The following ARSB variants were observed in gnomAD, a reference collection of about 807,000 sequenced individuals.
ARSB encodes arylsulfatase B.
A neutral mutation model predicts 50.9 loss-of-function variants in ARSB; 41 were observed. That is an observed-to-expected ratio of 0.81 (90% CI 0.63 to 1.04). ARSB has a LOEUF of 1.04. Among genes scored for constraint, ARSB ranks in the 50% least tolerant of loss-of-function variants. The pLI is 0.00. For missense variants in ARSB, 672 were observed against 693.3 expected, an observed-to-expected ratio of 0.97 and a Z score of 0.35; for synonymous variants, 269 against 284.8, an observed-to-expected ratio of 0.94 and a Z score of 0.56.
intron 3 of ARSB, among the ~76,000 whole-genome samples, chr5:78,962,524 A>ATGTTTTT (rs1752034414): frequency 9.4e-6 from 1 of 106,222 alleles, no homozygotes; most frequent in Non-Finnish European, 1.8e-5. Flanking sequence ...CATGTGCTCG[A>ATGTTTTT]TTTTTTTTTT....
At chr5:78,881,998 T>C (rs1455109355) in intron 5 of ARSB, among the ~76,000 whole-genome samples, 2 of 152,270 alleles carry the variant, frequency 1.3e-5, no homozygotes, top group Non-Finnish European at 2.9e-5. Flanking sequence ...TAAAAGGGTA[T>C]GCTCTAATGC....
At chr5:78,944,713 T>G (rs1020087499) in intron 4 of ARSB, among the ~76,000 whole-genome samples, 7 of 152,212 alleles carry the variant, frequency 4.6e-5, no homozygotes, top group African/African-American at 1.7e-4. Context: ...CCTGTTAGGC[T>G]ACTCGGGGGT....
intron 6 of ARSB, among the ~76,000 whole-genome samples, chr5:78,804,783 C>G (rs911181518): frequency 4.6e-5 from 7 of 152,224 alleles, no homozygotes; most frequent in African/African-American, 1.7e-4. Context: ...AGCTCCCGGA[C>G]AGTGGCCATT....
At chr5:78,984,607 G>T (rs1185289793) in intron 1 of ARSB, among the ~76,000 whole-genome samples, 7 of 152,184 alleles carry the variant, frequency 4.6e-5, no homozygotes, top group Non-Finnish European at 8.8e-5. Context: ...CCTCAGGACC[G>T]CTCCGCCTGC....
chr5:78,928,305 CTTTTTTTTTTTTTTT>C (rs34737292), intron 4 of ARSB, among the ~76,000 whole-genome samples: 1 of 72,574 alleles, frequency 1.4e-5, no homozygotes, highest in Non-Finnish European at 2.6e-5. Context: ...TTTGCTTTTG[CTTTTTTTTTTTTTTT>C]TTTTTTTTTT....
intron 4 of ARSB, among the ~76,000 whole-genome samples, chr5:78,924,599 G>T (rs1255177281): frequency 1.3e-5 from 2 of 152,138 alleles, no homozygotes; most frequent in African/African-American, 4.8e-5. Context: ...GACTGGACCT[G>T]GAATCTTTTT....
chr5:78,979,978 A>C (rs181541370), intron 1 of ARSB, among the ~76,000 whole-genome samples: 2 of 152,360 alleles, frequency 1.3e-5, no homozygotes, highest in Admixed American at 1.3e-4. Flanking sequence ...AAAGGGAACA[A>C]TACATGCTAC....
chr5:78,879,574 C>G (rs1483650340), intron 5 of ARSB, among the ~76,000 whole-genome samples: 1 of 152,222 alleles, frequency 6.6e-6, no homozygotes, highest in Non-Finnish European at 1.5e-5. Context: ...ATTTCACGAG[C>G]CTCTTCAAAT....
intron 6 of ARSB, among the ~76,000 whole-genome samples, chr5:78,790,287 A>G (rs950299026): frequency 6.6e-6 from 1 of 152,078 alleles, no homozygotes; most frequent in Non-Finnish European, 1.5e-5. Context: ...TCCATCACTC[A>G]CTGGCTGTGT....
intron 4 of ARSB, among the ~76,000 whole-genome samples, chr5:78,901,047 GAAAAAA>G (rs71001135): frequency 8.7e-6 from 1 of 115,242 alleles, no homozygotes; most frequent in African/African-American, 3.5e-5. Flanking sequence ...TCCGTCTCAG[GAAAAAA>G]AAAAAAAAAA....
At position 78,876,390 on chromosome 5, in the gene ARSB, A is replaced by T. The variant is rs1581080841; in HGVS notation, c.1142+9194T>A. ...ATACTTCTGCTTCCAGCCAAATTAG[A>T]TTTACTTAACCCTCTTGCCTAAAAC... On this transcript the variant is annotated intron_variant, in intron 5 of 7. Transcript: ENST00000264914. Among the ~76,000 whole-genome samples the T allele has an allele frequency of 3.9e-5, 6 of 152,330 alleles. 1 individual carries two copies. The South Asian group carries it at 1.2e-3, about 32-fold the overall frequency.
intron 4 of ARSB, among the ~76,000 whole-genome samples, chr5:78,941,056 G>A (rs1750891671): frequency 6.7e-6 from 1 of 149,848 alleles, no homozygotes; most frequent in East Asian, 2.0e-4. Flanking sequence ...ATTGTGAATG[G>A]GAGTTCACTC....
intron 4 of ARSB, among the ~76,000 whole-genome samples, chr5:78,933,701 T>C (rs1350897770): frequency 6.6e-6 from 1 of 151,558 alleles, no homozygotes; most frequent in Non-Finnish European, 1.5e-5. Flanking sequence ...ATTTCAATCA[T>C]TCCAAAGTGA....
rs114602515 is a variant in ARSB, at chr5:78,788,493, G to A, written c.1214-6519C>T. Among the ~76,000 whole-genome samples, 602 of 152,238 alleles carry A rather than the reference G, an allele frequency of 4.0e-3. 8 individuals are homozygous for A. Among genetic ancestry groups the A allele is most frequent in the African/African-American group, 0.014 (576 of 41,534 alleles). On this transcript the variant is annotated intron_variant, in intron 6 of 7. Coordinates refer to ENST00000264914, the MANE Select transcript of ARSB (RefSeq NM_000046.5). Reference sequence around the variant, plus strand: ...AAATAGGATGGTGAGTTAGTGGGTCGGGGTCCAGGTTCACCATCTCCATTT... The same window carrying A: ...AAATAGGATGGTGAGTTAGTGGGTCAGGGTCCAGGTTCACCATCTCCATTT...
chr5:78,882,806 C>T (rs113115598), intron 5 of ARSB: 18,662 of 99,328 alleles, frequency 0.19, 1,523 homozygotes, highest in Middle Eastern at 0.35. Flanking sequence ...TTTTTTGAGA[C>T]GGAGTCTTAC....
In ARSB at chr5:78,943,704, G is replaced by C. The variant is rs562251226; in HGVS notation, c.898+11591C>G. Among the ~76,000 whole-genome samples the C allele has an allele frequency of 7.2e-5, 11 of 152,210 alleles. No homozygotes were observed. In the South Asian group the frequency reaches 1.7e-3, roughly 23 times the overall value. ...AACCTGACCTTTCTCTCTGGCTGCC[G>C]TTAACATTTTTTCCTTCATTTCAAC... On this transcript the variant is annotated intron_variant, in intron 4 of 7. Transcript: ENST00000264914.
intron 6 of ARSB, among the ~76,000 whole-genome samples, chr5:78,833,340 C>CAGATCAGCCTACTAGAA (rs59478085): frequency 0.55 from 83,759 of 151,854 alleles, 23,427 homozygotes; most frequent in South Asian, 0.65. Flanking sequence ...TGGACGAAGA[C>CAGATCAGCCTACTAGAA]AGAAGTATTT....
At chr5:78,792,281 A>G (rs1742979174) in intron 6 of ARSB, among the ~76,000 whole-genome samples, 1 of 151,480 alleles carries the variant, frequency 6.6e-6, no homozygotes, top group Non-Finnish European at 1.5e-5. Flanking sequence ...CAGGAGGCTG[A>G]GGCATGAGAA....
chr5:78,891,048 CA>C (rs998111569), intron 4 of ARSB, among the ~76,000 whole-genome samples: 3 of 152,132 alleles, frequency 2.0e-5, no homozygotes, highest in African/African-American at 7.2e-5. Context: ...TTCTCAAGAG[CA>C]AAAAGTTTCT....
Sources: gnomAD v4.1 joint callset for allele counts (sites outside exome capture counted in the v4.1 genomes callset) on GRCh38, gnomAD v4.1.1 for gene constraint, MANE v1.5 for transcripts, NCBI Gene and HGNC (gene_info 2026-07-23, HGNC 2026-07-21) for gene names.